The following AP2B1 variants were observed in gnomAD, a reference collection of about 807,000 sequenced individuals.
AP2B1 encodes AP-2 complex subunit beta.
AP2B1 carries 23 observed loss-of-function variants against 102.0 expected under a neutral mutation model. The ratio of observed to expected loss-of-function variants is 0.23; its 90% CI spans 0.16 to 0.32. The LOEUF is 0.32. AP2B1 is among the 10% of genes least tolerant of loss of function. AP2B1 has a pLI of 1.00. For synonymous variants in AP2B1, 381 were observed against 421.2 expected, an observed-to-expected ratio of 0.90 and a Z score of 1.17; for missense variants, 541 against 1,157.4, an observed-to-expected ratio of 0.47 and a Z score of 7.73.
intron 17 of AP2B1, among the ~76,000 whole-genome samples, chr17:35,678,383 T>A (rs1051187659): frequency 6.6e-6 from 1 of 152,206 alleles, no homozygotes; most frequent in South Asian, 2.1e-4. Context: ...TTTTATTTTT[T>A]CTTCTTGTCT....
intron 18 of AP2B1, among the ~76,000 whole-genome samples, chr17:35,708,553 T>G (rs28526391): frequency 0.021 from 3,251 of 152,306 alleles, 124 homozygotes; most frequent in African/African-American, 0.07. Flanking sequence ...GCTTAAAGGT[T>G]TTTTGTTCTT....
chr17:35,681,610 G>T (rs1460512302), intron 17 of AP2B1, among the ~76,000 whole-genome samples: 3 of 151,856 alleles, frequency 2.0e-5, no homozygotes, highest in Admixed American at 2.0e-4. Context: ...TGGGGGGTGG[G>T]CAGTAAAGAC....
chr17:35,696,639 TCA>T (rs2076147576), intron 18 of AP2B1, among the ~76,000 whole-genome samples: 1 of 152,090 alleles, frequency 6.6e-6, no homozygotes, highest in African/African-American at 2.4e-5. Context: ...TCTGCCCACC[TCA>T]GCTTTCCAAA....
chr17:35,644,561 T>C (rs2142765153), intron 12 of AP2B1, among the ~76,000 whole-genome samples: 1 of 151,700 alleles, frequency 6.6e-6, no homozygotes, highest in Non-Finnish European at 1.5e-5. Flanking sequence ...TTTTTTTTTT[T>C]TCCAGTAGAG....
chr17:35,589,807 G>T (rs1472770823), intron 1 of AP2B1, among the ~76,000 whole-genome samples: 1 of 151,932 alleles, frequency 6.6e-6, no homozygotes, highest in Non-Finnish European at 1.5e-5. Context: ...TATTTCTCTG[G>T]CTCTTCTGAA....
At chr17:35,617,814 C>T (rs1359651494) in intron 5 of AP2B1, among the ~76,000 whole-genome samples, 1 of 152,120 alleles carries the variant, frequency 6.6e-6, no homozygotes, top group Non-Finnish European at 1.5e-5. Context: ...CAAGTTGCAG[C>T]TTGCTTTAAT....
intron 2 of AP2B1, among the ~76,000 whole-genome samples, chr17:35,595,705 T>G (rs1034608201): frequency 6.6e-6 from 1 of 152,206 alleles, no homozygotes; most frequent in Admixed American, 6.5e-5. Flanking sequence ...TATATGACTT[T>G]GCCTCTTTTA....
chr17:35,670,652 A>G (rs933952830), intron 14 of AP2B1, among the ~76,000 whole-genome samples: 1 of 152,144 alleles, frequency 6.6e-6, no homozygotes, highest in African/African-American at 2.4e-5. Flanking sequence ...GTTTTCTCCA[A>G]ACTGATACAC....
chr17:35,714,980 C>G (rs2076524486), intron 20 of AP2B1, among the ~76,000 whole-genome samples: 1 of 152,118 alleles, frequency 6.6e-6, no homozygotes, highest in African/African-American at 2.4e-5. Context: ...GAATTCTATC[C>G]CAGTCAGACC....
rs374297677 is a variant in AP2B1 at position 35,674,543 on chromosome 17, GA to G, written c.2324+226del. On this transcript the variant is annotated intron_variant, in intron 17 of 21. Coordinates refer to ENST00000610402, the MANE Select transcript of AP2B1 (RefSeq NM_001030006.2). ...AACATGGTGAAACCCCGTCTCTACTGAAAATACAAAAATGAGCTGAGCATGG... is the reference window on the plus strand; with the variant it reads ...AACATGGTGAAACCCCGTCTCTACTGAAATACAAAAATGAGCTGAGCATGG... 8.5e-4 allele frequency among the ~76,000 whole-genome samples: 130 copies of G among 152,152 alleles called. 2 individuals carry two copies. The highest frequency in any genetic ancestry group is 8.3e-3 in the South Asian group (40 of 4,818).
intron 17 of AP2B1, among the ~76,000 whole-genome samples, chr17:35,677,744 A>G (rs1399304649): frequency 6.6e-6 from 1 of 152,084 alleles, no homozygotes; most frequent in East Asian, 1.9e-4. Flanking sequence ...TTAGCATAGT[A>G]TATCTCTCTG....
At chr17:35,590,172 C>T (rs2073048355) in intron 1 of AP2B1, among the ~76,000 whole-genome samples, 1 of 152,188 alleles carries the variant, frequency 6.6e-6, no homozygotes, top group Non-Finnish European at 1.5e-5. Context: ...GATCCGCCCG[C>T]CTCCCAAAGT....
intron 1 of AP2B1, among the ~76,000 whole-genome samples, chr17:35,590,249 A>G (rs547558403): frequency 1.5e-3 from 228 of 152,198 alleles, no homozygotes; most frequent in African/African-American, 5.1e-3. Context: ...AGTTTTTGCC[A>G]TCCTGTATTT....
chr17:35,602,585 A>G (rs976476943), intron 3 of AP2B1, among the ~76,000 whole-genome samples: 2 of 152,230 alleles, frequency 1.3e-5, no homozygotes, highest in African/African-American at 2.4e-5. Flanking sequence ...TTGACCCAGT[A>G]TATCTAAAAT....
In AP2B1 at chr17:35,701,088, CTGCT is replaced by C. The variant is rs372674555; in HGVS notation, c.2455-8130_2455-8127del. The stretch of plus-strand genomic sequence containing the variant: ...TTCACTCATTGAACCCATTTTCTCA[CTGCT>C]TGCTTTAGTGTGTGTGTATTGTGGC... On this transcript the variant is annotated intron_variant, in intron 18 of 21. Transcript: ENST00000610402. Among the ~76,000 whole-genome samples the C allele has an allele frequency of 2.4e-3, 369 of 152,286 alleles. 7 individuals carry two copies. The Middle Eastern group carries it at 0.044, about 18-fold the overall frequency.
At chr17:35,619,720 C>T (rs2074119851) in intron 5 of AP2B1, among the ~76,000 whole-genome samples, 1 of 151,996 alleles carries the variant, frequency 6.6e-6, no homozygotes, top group African/African-American at 2.4e-5. Flanking sequence ...TTTCAGTCTC[C>T]CCAAGAATAG....
At position 35,717,346 on chromosome 17, in the gene AP2B1, C is replaced by T. The variant is rs200926603; in HGVS notation, c.2778C>T (p.Tyr926=). ...GTATCCAGCCAGGAAACCCCAATTA[C>T]ACGGTAAGGCCTTTCTCAGAATGGG... ...ELRIQPGNPN[Y]TLSLKCRAPE... Residue 926 remains tyrosine (Y), a synonymous_variant, in exon 21 of 22, where the codon TAC becomes TAT. Coordinates refer to ENST00000610402, the MANE Select transcript of AP2B1 (RefSeq NM_001030006.2). The T allele has an allele frequency of 3.1e-6, 5 of 1,614,096 alleles. No individual in the cohort carries two copies. In the East Asian group the frequency reaches 1.1e-4, roughly 36 times the overall value.
intron 9 of AP2B1, among the ~76,000 whole-genome samples, chr17:35,627,971 A>G (rs1485667127): frequency 2.0e-5 from 3 of 152,216 alleles, no homozygotes; most frequent in African/African-American, 4.8e-5. Context: ...TAGGTCCTCC[A>G]TATCCATGAG....
chr17:35,674,642 T>C lies in AP2B1; in HGVS notation c.2324+321T>C, dbSNP rs185944487. Reference sequence around the variant, plus strand: ...ATCCCTTGAACCTGGGAGGCCAAGGTTGCAGTGAGCCGAGATTACGCCAAT... The same window carrying C: ...ATCCCTTGAACCTGGGAGGCCAAGGCTGCAGTGAGCCGAGATTACGCCAAT... On this transcript the variant is annotated intron_variant, in intron 17 of 21. Transcript: ENST00000610402. Among the ~76,000 whole-genome samples, 15 of 152,272 alleles carry C rather than the reference T, an allele frequency of 9.9e-5. No individual in the cohort carries two copies. The East Asian group carries it at 2.9e-3, about 29-fold the overall frequency.
Sources: allele counts gnomAD v4.1 joint callset (sites outside exome capture counted in the v4.1 genomes callset), GRCh38; gene constraint gnomAD v4.1.1; transcripts MANE v1.5; gene names NCBI Gene and HGNC (gene_info 2026-07-23, HGNC 2026-07-21).